Variants in SRBD1 observed in about 807,000 individuals in gnomAD.
The protein encoded by SRBD1 is S1 RNA binding domain 1.
In SRBD1, 88 loss-of-function variants were observed where a neutral mutation model predicts 115.3. The observed-to-expected ratio is 0.76, with a 90% confidence interval of 0.64 to 0.91. The LOEUF is 0.91. Among genes scored for constraint, SRBD1 ranks in the 40% least tolerant of loss-of-function variants. The probability of loss-of-function intolerance (pLI) is 0.00; values close to 1 mark genes in which losing one functional copy is unlikely to be tolerated. For synonymous variants in SRBD1, 509 were observed against 407.7 expected, an observed-to-expected ratio of 1.25 and a Z score of -2.99; for missense variants, 1,385 against 1,177.4, an observed-to-expected ratio of 1.18 and a Z score of -2.58.
chr2:45,492,606 T>G (rs898432778), intron 14 of SRBD1, among the ~76,000 whole-genome samples: 2 of 152,106 alleles, frequency 1.3e-5, no homozygotes, highest in African/African-American at 4.8e-5. Flanking sequence ...ACCTGGCTAA[T>G]TTTTTGTATT....
At position 45,581,695 on chromosome 2, in the gene SRBD1, C is replaced by A. The variant is rs368691044; in HGVS notation, c.931G>T (p.Val311Leu). ...NCKTFEELEH[V>L]SAPYKTGSKG... is the part of the protein sequence containing the mutation. ...AAAAGATAAAAAGGATTCCTTACCA[C>A]GTGTTCTAGTTCTTCAAAAGTTTTA... The change falls in exon 6 of 21, where the codon GTG becomes TTG. Residue 311 changes from valine to leucine, a missense_variant and splice_region_variant. Coordinates refer to ENST00000263736, the MANE Select transcript of SRBD1 (RefSeq NM_018079.5). 6.2e-7 allele frequency: 1 copy of A among 1,609,842 alleles called. No homozygotes were observed. The highest frequency in any genetic ancestry group is 1.3e-5 in the African/African-American group (1 of 74,676).
chr2:45,510,783 C>T (rs1301221665), intron 14 of SRBD1, among the ~76,000 whole-genome samples: 2 of 152,072 alleles, frequency 1.3e-5, no homozygotes, highest in Admixed American at 6.5e-5. Flanking sequence ...TTTAACAGTA[C>T]AAGAAATTTT....
chr2:45,449,264 A>G (rs993212699), intron 16 of SRBD1, among the ~76,000 whole-genome samples: 13 of 152,198 alleles, frequency 8.5e-5, no homozygotes, highest in African/African-American at 2.7e-4. Context: ...ACCTTGATAC[A>G]CACTGTCAGT....
At chr2:45,539,095 T>A (rs72616997) in intron 14 of SRBD1, among the ~76,000 whole-genome samples, 6,668 of 152,050 alleles carry the variant, frequency 0.044, 242 homozygotes, top group East Asian at 0.15. Context: ...TGTCGGAAAA[T>A]AGCAAATTTT....
chr2:45,432,003 G>GTATCTATT, intron 16 of SRBD1, among the ~76,000 whole-genome samples: 1 of 142,872 alleles, frequency 7.0e-6, no homozygotes, highest in South Asian at 2.3e-4. Context: ...AGAGTTAAAA[G>GTATCTATT]TATTTATTTA....
In SRBD1 at chr2:45,465,415, T is replaced by C. The variant is rs149655693; in HGVS notation, c.2049+11578A>G. The stretch of plus-strand genomic sequence containing the variant: ...ACACACATATACATATATGTGTGTA[T>C]ATATATATAAATGCACACACAGACA... On this transcript the variant is annotated intron_variant, in intron 16 of 20. Transcript: ENST00000263736. Among the ~76,000 whole-genome samples, 331 of 152,024 alleles carry C rather than the reference T, an allele frequency of 2.2e-3. 4 individuals are homozygous for C. The highest frequency in any genetic ancestry group is 3.0e-3 in the Non-Finnish European group (205 of 67,980).
At chr2:45,439,883 T>C (rs1308559382) in intron 16 of SRBD1, among the ~76,000 whole-genome samples, 1 of 152,126 alleles carries the variant, frequency 6.6e-6, no homozygotes, top group Non-Finnish European at 1.5e-5. Context: ...AGCAGTGCCC[T>C]TAACATCTGT....
chr2:45,465,072 A>AT (rs1345308662), intron 16 of SRBD1, among the ~76,000 whole-genome samples: 5 of 147,248 alleles, frequency 3.4e-5, no homozygotes, highest in African/African-American at 1.3e-4. Context: ...GGTATGGGGG[A>AT]TTTTTTCTAG....
At chr2:45,469,932 G>A (rs1228381676) in intron 16 of SRBD1, among the ~76,000 whole-genome samples, 1 of 152,224 alleles carries the variant, frequency 6.6e-6, no homozygotes, top group Non-Finnish European at 1.5e-5. Flanking sequence ...ATTCACCTGT[G>A]TAAATAATGT....
Position 45,393,009 on chromosome 2 carries a change from T to C in SRBD1, c.2634A>G (p.Thr878=). ...MEKIAERLQT[T]VHTLQVIIDG... is the part of the protein sequence containing the mutation. ...CTATGATGACCTGTAAGGTGTGTAC[T>C]GTTGTTTGCAATCTTTCTGCAATTT... The change falls in exon 20 of 21, where the codon ACA becomes ACG. Residue 878 remains threonine (T), a synonymous_variant. Coordinates refer to ENST00000263736, the MANE Select transcript of SRBD1 (RefSeq NM_018079.5). 1.2e-6 allele frequency: 2 copies of C among 1,614,116 alleles called. No homozygotes were observed. The highest frequency in any genetic ancestry group is 1.7e-6 in the Non-Finnish European group (2 of 1,179,964).
At chr2:45,396,219 G>T (rs1438759508) in intron 19 of SRBD1, among the ~76,000 whole-genome samples, 1 of 152,062 alleles carries the variant, frequency 6.6e-6, no homozygotes, top group Non-Finnish European at 1.5e-5. Context: ...CAATATATAT[G>T]TCTGTGTATA....
intron 2 of SRBD1, 34 bp downstream of exon 2, chr2:45,605,328 T>C (rs1174479837): frequency 1.5e-5 from 23 of 1,574,446 alleles, no homozygotes; most frequent in Non-Finnish European, 2.0e-5. Context: ...ATATTCATCA[T>C]TCCCCTACCC....
chr2:45,473,555 TCA>T (rs1415603198), intron 16 of SRBD1, among the ~76,000 whole-genome samples: 10 of 152,200 alleles, frequency 6.6e-5, no homozygotes, highest in South Asian at 2.1e-4. Context: ...TATTTTCCAC[TCA>T]CACTAAATTG....
chr2:45,520,186 C>T (rs1461488627), intron 14 of SRBD1, among the ~76,000 whole-genome samples: 1 of 152,212 alleles, frequency 6.6e-6, no homozygotes, highest in Admixed American at 6.5e-5. Context: ...ATGAGCAGCA[C>T]AAAAACAGCA....
chr2:45,403,612 C>T (rs1051804462), intron 19 of SRBD1, among the ~76,000 whole-genome samples: 9 of 152,174 alleles, frequency 5.9e-5, no homozygotes, highest in Middle Eastern at 6.8e-3. Context: ...CTTAGTAAAT[C>T]TGGTGCCAAA....
In SRBD1 at chr2:45,593,230, T is replaced by C. The variant is rs141129463; in HGVS notation, c.648+6219A>G. Among the ~76,000 whole-genome samples, 27 of 152,274 alleles carry C rather than the reference T, an allele frequency of 1.8e-4. No individual in the cohort carries two copies. The East Asian group carries it at 4.8e-3, about 27-fold the overall frequency. The stretch of plus-strand genomic sequence containing the variant: ...TCAATATAAACTCATTTAAACTATA[T>C]GAGAAAGGTACTTTATTGTTCCCAT... On this transcript the variant is annotated intron_variant, in intron 4 of 20. Coordinates refer to ENST00000263736, the MANE Select transcript of SRBD1 (RefSeq NM_018079.5).
At chr2:45,457,154 C>A (rs1198478696) in intron 16 of SRBD1, among the ~76,000 whole-genome samples, 1 of 151,808 alleles carries the variant, frequency 6.6e-6, no homozygotes, top group Non-Finnish European at 1.5e-5. Flanking sequence ...TATCCTGTAA[C>A]ATCGCCTAAT....
Position 45,506,817 on chromosome 2 carries a change from A to T in SRBD1, c.1875-18486T>A, listed in dbSNP as rs140134930. Among the ~76,000 whole-genome samples the T allele has an allele frequency of 3.2e-3, 488 of 152,342 alleles. 2 individuals carry two copies. The highest frequency in any genetic ancestry group is 0.011 in the African/African-American group (454 of 41,586). ...AAATCAAATGTAAATTAAATAGTGCATATTAAATAGTGTTTTCTAAATTAA... is the reference window on the plus strand; with the variant it reads ...AAATCAAATGTAAATTAAATAGTGCTTATTAAATAGTGTTTTCTAAATTAA... On this transcript the variant is annotated intron_variant, in intron 14 of 20. Transcript: ENST00000263736.
chr2:45,490,045 C>T (rs958689450), intron 14 of SRBD1, among the ~76,000 whole-genome samples: 1 of 152,106 alleles, frequency 6.6e-6, no homozygotes, highest in African/African-American at 2.4e-5. Flanking sequence ...CGTTCCATAA[C>T]TTCAGAGACC....
Sources: allele counts gnomAD v4.1 joint callset (sites outside exome capture counted in the v4.1 genomes callset), GRCh38; gene constraint gnomAD v4.1.1; transcripts MANE v1.5; gene names NCBI Gene and HGNC (gene_info 2026-07-23, HGNC 2026-07-21).